ZNF182: variants seen among roughly 807,000 people sequenced by gnomAD.
ZNF182 encodes the protein zinc finger protein 182, also known as zinc finger protein 21 (KOX 14).
Under a neutral mutation model 28.1 loss-of-function variants are expected in ZNF182, and 10 were observed. That is an observed-to-expected ratio of 0.36 (90% CI 0.22 to 0.60). The LOEUF (loss-of-function observed/expected upper bound fraction) is 0.60. Ranked by LOEUF, ZNF182 falls within the 20% of genes least tolerant of loss-of-function variation. The probability of loss-of-function intolerance (pLI) is 0.75; values close to 1 mark genes in which losing one functional copy is unlikely to be tolerated. For missense variants in ZNF182, 352 were observed against 453.2 expected, an observed-to-expected ratio of 0.78 and a Z score of 2.03; for synonymous variants, 156 against 158.7, an observed-to-expected ratio of 0.98 and a Z score of 0.13.
chrX:47,987,039 G>A (rs2058925578), intron 3 of ZNF182, among the ~76,000 whole-genome samples: 1 of 111,824 alleles, frequency 8.9e-6, no homozygotes, highest in Non-Finnish European at 1.9e-5. Context: ...TTCACCTTGT[G>A]ATCGTGTGAG....
intron 3 of ZNF182, among the ~76,000 whole-genome samples, chrX:47,991,527 G>A (rs782741610): frequency 5.3e-5 from 6 of 112,295 alleles, no homozygotes; most frequent in East Asian, 2.8e-4. Flanking sequence ...TGAAAACCAC[G>A]AGGTGGCAAA....
At chrX:47,990,906 A>G (rs1556900380) in intron 3 of ZNF182, among the ~76,000 whole-genome samples, 1 of 112,297 alleles carries the variant, frequency 8.9e-6, no homozygotes, top group African/African-American at 3.2e-5. Flanking sequence ...TCTCCACAAG[A>G]ATACAGACAT....
At chrX:48,000,853 G>C (rs967191067) in intron 3 of ZNF182, among the ~76,000 whole-genome samples, 1 of 111,872 alleles carries the variant, frequency 8.9e-6, no homozygotes, top group Non-Finnish European at 1.9e-5. Context: ...GATATATAAA[G>C]AACTCTTAAA....
In ZNF182 at chrX:47,976,212, G is replaced by A; in HGVS notation, c.1818C>T (p.Ala606=). ...VHQRTHAGKK[A]HGRGHTRKSK... ...ACTTCCGAGTGTGGCCTCTTCCATGGGCTTTCTTTCCTGCATGGGTTCGCT... is the reference window on the plus strand; with the variant it reads ...ACTTCCGAGTGTGGCCTCTTCCATGAGCTTTCTTTCCTGCATGGGTTCGCT... The change falls in exon 6 of 6, where the codon GCC becomes GCT. Residue 606 remains alanine (A), a synonymous_variant. Transcript: ENST00000376943. 1 of 1,173,580 alleles carries A rather than the reference G, an allele frequency of 8.5e-7. No homozygotes were observed. The highest frequency in any genetic ancestry group is 1.1e-6 in the Non-Finnish European group (1 of 880,173).
At chrX:47,988,037 C>A (rs1283849890) in intron 3 of ZNF182, among the ~76,000 whole-genome samples, 4 of 111,361 alleles carry the variant, frequency 3.6e-5, no homozygotes, top group African/African-American at 1.3e-4. Context: ...GTGATCCTGG[C>A]TGGGTGTGGT....
intron 5 of ZNF182, among the ~76,000 whole-genome samples, chrX:47,980,927 G>A (rs2058903289): frequency 1.8e-5 from 2 of 111,646 alleles, no homozygotes; most frequent in South Asian, 7.4e-4. Context: ...GGAAAGTCTT[G>A]ATTCTCAATG....
chrX:47,998,647 A>T lies in ZNF182; in HGVS notation c.15+3948T>A, dbSNP rs932558461. Among the ~76,000 whole-genome samples the T allele has an allele frequency of 5.4e-5, 6 of 111,919 alleles. No individual in the cohort carries two copies. The Admixed American group carries it at 5.7e-4, about 11-fold the overall frequency. On this transcript the variant is annotated intron_variant, in intron 3 of 5. Transcript: ENST00000376943. The stretch of plus-strand genomic sequence containing the variant: ...CGAGGCGGGTGGGTCACCTGAGGTC[A>T]GTAGTTCAGGACCAGCCTGCCCAAC...
intron 3 of ZNF182, among the ~76,000 whole-genome samples, chrX:47,993,173 T>C (rs1038987713): frequency 3.6e-5 from 4 of 112,500 alleles, no homozygotes; most frequent in Non-Finnish European, 7.5e-5. Flanking sequence ...GGAACTGCCA[T>C]AGAAACCTCT....
intron 3 of ZNF182, among the ~76,000 whole-genome samples, chrX:48,001,964 C>T (rs1220206374): frequency 9.0e-6 from 1 of 111,301 alleles, no homozygotes; most frequent in Non-Finnish European, 1.9e-5. Flanking sequence ...ATCAATTTCA[C>T]TGTATGTTAA....
chrX:47,976,908 C>G lies in ZNF182; in HGVS notation c.1122G>C (p.Gln374His). 8.3e-7 allele frequency: 1 copy of G among 1,209,836 alleles called. No homozygotes were observed. Among genetic ancestry groups the G allele is most frequent in the Non-Finnish European group, 1.1e-6 (1 of 894,952 alleles). The change falls in exon 6 of 6, where the codon CAG (glutamine) becomes CAC (histidine). Residue 374 changes from glutamine (Q) to histidine (H), a missense_variant. By Grantham distance (24) the Gln-to-His change is conservative. Transcript: ENST00000376943. ...GAGGTTTCTCTCCCGTATGAGTTCT[C>G]TGGTGTATAATGAGAGTTGACTTAT... ...FSDKSTLIIH[Q>H]RTHTGEKPHK...
chrX:47,976,321 T>C lies in ZNF182; in HGVS notation c.1709A>G (p.Gln570Arg), dbSNP rs939703733. ...FREKSTFTVH[Q>R]RTHTGEKPYK... The stretch of plus-strand genomic sequence containing the variant: ...GGGTTTCTCTCCAGTATGAGTTCTT[T>C]GATGTACAGTGAATGTTGACTTTTC... Residue 570 changes from glutamine (Q) to arginine (R), a missense_variant, in exon 6 of 6, where the codon CAA becomes CGA. Coordinates refer to ENST00000376943, the MANE Select transcript of ZNF182 (RefSeq NM_001007088.2). The C allele has an allele frequency of 3.3e-6, 4 of 1,206,808 alleles. No homozygotes were observed. The highest frequency in any genetic ancestry group is 3.4e-6 in the Non-Finnish European group (3 of 893,682).
chrX:48,002,631 A>G lies in ZNF182; in HGVS notation c.-22T>C. On this transcript the variant is annotated 5_prime_UTR_variant, in exon 3 of 6. Coordinates refer to ENST00000376943, the MANE Select transcript of ZNF182 (RefSeq NM_001007088.2). ...CCATTTCCTGCTCTTCTTGGGAAAAAGCAGAGATGTGTGACGGCCGAGCTG... is the reference window on the plus strand; with the variant it reads ...CCATTTCCTGCTCTTCTTGGGAAAAGGCAGAGATGTGTGACGGCCGAGCTG... 1 of 1,210,003 alleles carries G rather than the reference A, an allele frequency of 8.3e-7. No homozygotes were observed. The highest frequency in any genetic ancestry group is 2.2e-5 in the Admixed American group (1 of 45,896).
Position 47,977,747 on chromosome X carries a change from C to G in ZNF182, c.283G>C (p.Asp95His), listed in dbSNP as rs782782863. 2 of 1,197,990 alleles carry G rather than the reference C, an allele frequency of 1.7e-6. No individual in the cohort carries two copies. The highest frequency in any genetic ancestry group is 4.5e-5 in the Admixed American group (2 of 44,726). The part of the protein sequence containing the change: ...QIERQHQDDQ[D>H]KCLLMQVGFS... ...CCAACTTGCATCAGCAGACATTTAT[C>G]TTGGTCATCCTGATGTTGCCTCTCA... Residue 95 changes from aspartate (D) to histidine (H), a missense_variant, in exon 6 of 6, where the codon GAT becomes CAT. Transcript: ENST00000376943.
At chrX:47,993,779 C>G (rs938989091) in intron 3 of ZNF182, among the ~76,000 whole-genome samples, 2 of 109,608 alleles carry the variant, frequency 1.8e-5, no homozygotes, top group Non-Finnish European at 3.8e-5. Context: ...GTGGTGATGA[C>G]AAAGGACAGA....
Position 47,988,535 on chromosome X carries a change from T to C in ZNF182, c.16-5124A>G, listed in dbSNP as rs2058930762. The C allele has an allele frequency of 6.0e-6, 3 of 502,784 alleles. No individual in the cohort carries two copies. In the East Asian group the frequency reaches 1.1e-4, roughly 19 times the overall value. The allele number at this position is 502,784 out of a possible 1,213,427, so 41.4% of individuals were successfully genotyped here. A position where few individuals can be genotyped will look rare whatever the true frequency, so the allele number is the denominator to read the frequency against. On this transcript the variant is annotated intron_variant, in intron 3 of 5. Coordinates refer to ENST00000376943, the MANE Select transcript of ZNF182 (RefSeq NM_001007088.2). ...GCCATGTGACATACCTGTTCCCTCT[T>C]TGCCTTCTGCCATGAGTAGAAGCTT...
intron 3 of ZNF182, among the ~76,000 whole-genome samples, chrX:47,987,292 T>C (rs781845966): frequency 1.3e-4 from 15 of 112,217 alleles, no homozygotes; most frequent in Non-Finnish European, 1.9e-5. Flanking sequence ...CAGCTGTATG[T>C]TGTATACAGG....
intron 3 of ZNF182, among the ~76,000 whole-genome samples, chrX:47,986,769 A>G (rs2058924677): frequency 8.9e-6 from 1 of 111,810 alleles, no homozygotes; most frequent in African/African-American, 3.3e-5. Flanking sequence ...GGGCAGCTAG[A>G]ATAAAGCGGG....
At position 47,976,802 on chromosome X, in the gene ZNF182, G is replaced by T; in HGVS notation, c.1228C>A (p.Pro410Thr). The T allele has an allele frequency of 1.7e-6, 2 of 1,211,120 alleles. No individual in the cohort carries two copies. The highest frequency in any genetic ancestry group is 2.2e-6 in the Non-Finnish European group (2 of 895,337). ...TTTCCACACACATCACATTCATAGG[G>T]TTTCTCTCCTGTATGAGTTCTTTGA... ...VHQRTHTGEKPYECDVCGKTF... is the reference protein window; with the variant it reads ...VHQRTHTGEKTYECDVCGKTF... Residue 410 changes from proline (P) to threonine (T), a missense_variant, in exon 6 of 6, where the codon CCC becomes ACC. Transcript: ENST00000376943.
At chrX:47,990,983 A>G (rs2058939487) in intron 3 of ZNF182, among the ~76,000 whole-genome samples, 2 of 112,168 alleles carry the variant, frequency 1.8e-5, no homozygotes, top group South Asian at 3.7e-4. Context: ...AATTCTATCA[A>G]TAAGGGAACA....
Sources: gnomAD v4.1 joint callset for allele counts (sites outside exome capture counted in the v4.1 genomes callset) on GRCh38, gnomAD v4.1.1 for gene constraint, MANE v1.5 for transcripts, NCBI Gene and HGNC (gene_info 2026-07-23, HGNC 2026-07-21) for gene names.